The following ZNF160 variants were observed in gnomAD, a reference collection of about 807,000 sequenced individuals.
ZNF160 encodes the protein KRAB zinc finger protein KR18.
ZNF160 carries 9 observed loss-of-function variants against 13.1 expected under a neutral mutation model. The observed-to-expected ratio is 0.69, with a 90% CI of 0.41 to 1.20. ZNF160 has a LOEUF of 1.20. Ranked by LOEUF, ZNF160 falls within the 50% of genes most tolerant of loss-of-function variation. ZNF160 has a pLI of 0.01. For synonymous variants in ZNF160, 293 were observed against 333.2 expected, an observed-to-expected ratio of 0.88 and a Z score of 1.31; for missense variants, 838 against 988.0, an observed-to-expected ratio of 0.85 and a Z score of 2.04.
intron 3 of ZNF160, chr19:53,075,882 T>C (rs80054051): frequency 0.078 from 39,952 of 512,148 alleles, 1,791 homozygotes; most frequent in Middle Eastern, 0.13. Context: ...CTGGCATTAA[T>C]GTGTGTGCGC....
At chr19:53,101,444 G>A (rs2085444515) in intron 1 of ZNF160, among the ~76,000 whole-genome samples, 1 of 150,048 alleles carries the variant, frequency 6.7e-6, no homozygotes, top group Non-Finnish European at 1.5e-5. Flanking sequence ...TATTTAATAT[G>A]TATATGATAT....
At chr19:53,101,836 C>T (rs1348196164) in intron 1 of ZNF160, among the ~76,000 whole-genome samples, 1 of 152,212 alleles carries the variant, frequency 6.6e-6, no homozygotes, top group African/African-American at 2.4e-5. Flanking sequence ...GCCTTTTACA[C>T]AGAGCTTTGT....
At chr19:53,100,159 A>T (rs183100395) in intron 1 of ZNF160, among the ~76,000 whole-genome samples, 7 of 152,350 alleles carry the variant, frequency 4.6e-5, no homozygotes, top group African/African-American at 1.4e-4. Flanking sequence ...TTTCATGAAC[A>T]CATAAGCTCT....
At chr19:53,102,534 G>A (rs979071026) in intron 1 of ZNF160, among the ~76,000 whole-genome samples, 1 of 152,072 alleles carries the variant, frequency 6.6e-6, no homozygotes, top group African/African-American at 2.4e-5. Flanking sequence ...TCTACATTTC[G>A]CCAATTGCTT....
In ZNF160 at chr19:53,069,170, C is replaced by T; in HGVS notation, c.1364G>A (p.Cys455Tyr). Residue 455 changes from cysteine to tyrosine, a missense_variant, in exon 6 of 6, where the codon TGT (cysteine) becomes TAT (tyrosine). By Grantham distance (194) the Cys-to-Tyr change is radical. Around this residue, in one of 3 missense-constraint regions of ZNF160, gnomAD observed 400 missense variants for 538.9 expected, o/e 0.74. Coordinates refer to ENST00000683776, the MANE Select transcript of ZNF160 (RefSeq NM_001322131.2). The surrounding 1 kb of genome is among the most constrained non-coding windows in gnomAD (Gnocchi z 4.4). ...ACTGAAGGCTTTGCCACATTCATTA[C>T]ACTTGTAAGGTTTCTCACCAGTATG... ...RVHTGEKPYK[C>Y]NECGKAFSMH... 2.5e-6 allele frequency: 4 copies of T among 1,614,162 alleles called. No individual in the cohort carries two copies. Among genetic ancestry groups the T allele is most frequent in the Non-Finnish European group, 3.4e-6 (4 of 1,179,990 alleles).
At chr19:53,075,025 G>T (rs201517584) in intron 4 of ZNF160, 32 bp downstream of exon 4, 1 of 1,613,610 alleles carries the variant, frequency 6.2e-7, no homozygotes, top group East Asian at 2.2e-5. Context: ...GACAAGAACA[G>T]ATCTTGACTT....
chr19:53,075,662 C>T, intron 3 of ZNF160: 1 of 504,004 alleles, frequency 2.0e-6, no homozygotes, highest in Non-Finnish European at 4.0e-6. Context: ...CTCCTCACTC[C>T]TTTCCCATAT....
chr19:53,069,823 T>C lies in ZNF160; in HGVS notation c.711A>G (p.Glu237=), dbSNP rs145570443. The C allele has an allele frequency of 6.3e-5, 102 of 1,614,174 alleles. 1 individual carries two copies. The East Asian group carries it at 1.7e-3, about 27-fold the overall frequency. ...VQTHRSKKYH[E]LNHFSLLTQR... is the part of the protein sequence containing the mutation. ...GTGTGAGTAATGAAAAATGGTTAAG[T>C]TCATGATATTTTTTAGACCTGTGGG... is the stretch of plus-strand genomic sequence containing the variant. The change falls in exon 6 of 6, where the codon GAA becomes GAG. Residue 237 remains glutamate (E), a synonymous_variant. Coordinates refer to ENST00000683776, the MANE Select transcript of ZNF160 (RefSeq NM_001322131.2). This position sits in a 1 kb window ranked among gnomAD's most constrained non-coding sequence, Gnocchi z 4.4.
intron 1 of ZNF160, among the ~76,000 whole-genome samples, chr19:53,098,787 G>A (rs117964478): frequency 8.6e-5 from 13 of 151,340 alleles, no homozygotes; most frequent in Admixed American, 2.0e-4. Context: ...ACCGGGCCCC[G>A]GTGATGTGTA....
intron 4 of ZNF160, among the ~76,000 whole-genome samples, chr19:53,074,628 C>T (rs866448162): frequency 1.3e-5 from 2 of 149,072 alleles, no homozygotes; most frequent in South Asian, 4.2e-4. Context: ...CTAGATCACG[C>T]CACTGCACTC....
rs1179889933 is a variant in ZNF160 at position 53,069,815 on chromosome 19, T to C, written c.719A>G (p.His240Arg). The change falls in exon 6 of 6, where the codon CAT becomes CGT. Residue 240 changes from histidine to arginine, a missense_variant. Transcript: ENST00000683776. The surrounding 1 kb of genome is among the most constrained non-coding windows in gnomAD (Gnocchi z 4.4). Reference protein sequence around the residue: ...HRSKKYHELNHFSLLTQRRKA... With the variant: ...HRSKKYHELNRFSLLTQRRKA... ...TCGTCTTTGTGTGAGTAATGAAAAA[T>C]GGTTAAGTTCATGATATTTTTTAGA... 10 of 1,614,134 alleles carry C rather than the reference T, an allele frequency of 6.2e-6. No homozygotes were observed. The highest frequency in any genetic ancestry group is 1.1e-5 in the South Asian group (1 of 91,084).
At position 53,068,011 on chromosome 19, in the gene ZNF160, G is replaced by C. The variant is rs1202562735; in HGVS notation, c.*66C>G. ...TGGCCACTGTCACTACATTTGTAAG[G>C]ATTCTGTCAAGAATGAAATTAACTG... On this transcript the variant is annotated 3_prime_UTR_variant, in exon 6 of 6. Transcript: ENST00000683776. The C allele has an allele frequency of 3.9e-6, 6 of 1,528,722 alleles. No individual in the cohort carries two copies. The highest frequency in any genetic ancestry group is 5.3e-6 in the Non-Finnish European group (6 of 1,138,052). 94.7% of individuals were successfully genotyped at this position (1,528,722 alleles called of 1,614,324 possible).
intron 1 of ZNF160, among the ~76,000 whole-genome samples, chr19:53,092,204 A>T (rs2085060482): frequency 6.6e-6 from 1 of 152,210 alleles, no homozygotes; most frequent in Non-Finnish European, 1.5e-5. Context: ...TACTTATTTT[A>T]ATCTGTTGTA....
In ZNF160 at chr19:53,070,169, T is replaced by C. The variant is rs1279726168; in HGVS notation, c.365A>G (p.Glu122Gly). 1.2e-6 allele frequency: 2 copies of C among 1,614,148 alleles called. No homozygotes were observed. Among genetic ancestry groups the C allele is most frequent in the Admixed American group, 1.7e-5 (1 of 60,026 alleles). The part of the protein sequence containing the change: ...VFHTVVLERH[E>G]SPDIEDFSFK... ...GGAAAAGTCTTCAATGTCAGGGCTT[T>C]CGTGTCTTTCCAACACCACTGTGTG... The change falls in exon 6 of 6, where the codon GAA (glutamate) becomes GGA (glycine). Residue 122 changes from glutamate (E) to glycine (G), a missense_variant. Physicochemically the swap from Glu to Gly is moderately conservative, Grantham distance 98. This residue lies in a region of ZNF160 where 387 missense variants were observed against 402.3 expected (regional missense o/e 0.96). Coordinates refer to ENST00000683776, the MANE Select transcript of ZNF160 (RefSeq NM_001322131.2).
At chr19:53,088,366 A>C (rs2084918457) in intron 2 of ZNF160, among the ~76,000 whole-genome samples, 1 of 152,162 alleles carries the variant, frequency 6.6e-6, no homozygotes, top group African/African-American at 2.4e-5. Flanking sequence ...AACAATTCAA[A>C]GGTTTAAGCA....
At chr19:53,076,764 T>C (rs1362701780) in intron 3 of ZNF160, 1 of 152,230 alleles carries the variant, frequency 6.6e-6, no homozygotes, top group Non-Finnish European at 1.5e-5. Context: ...GTGGGAAATC[T>C]GGCAACCACA....
At chr19:53,097,438 T>TACTTCATAAAGATCCCACAATCCCCAG (rs2085280238) in intron 1 of ZNF160, among the ~76,000 whole-genome samples, 2 of 151,138 alleles carry the variant, frequency 1.3e-5, no homozygotes, top group Admixed American at 6.6e-5. Flanking sequence ...ACACTCCCCA[T>TACTTCATAAAGATCCCACAATCCCCAG]ATACTTCATA....
Position 53,068,710 on chromosome 19 carries a change from T to C in ZNF160, c.1824A>G (p.Leu608=), listed in dbSNP as rs763983048. 1 of 1,614,138 alleles carries C rather than the reference T, an allele frequency of 6.2e-7. No individual in the cohort carries two copies. The highest frequency in any genetic ancestry group is 2.2e-5 in the East Asian group (1 of 44,864). ...CAGTATGTATTGCCTGATGAAAAGT[T>C]AGGCTTGAACGATCACTAAAGGCTC... is the stretch of plus-strand genomic sequence containing the variant. ...CGRAFSDRSS[L]TFHQAIHTGE... Residue 608 remains leucine (L), a synonymous_variant, in exon 6 of 6, where the codon CTA becomes CTG. Transcript: ENST00000683776.
intron 1 of ZNF160, among the ~76,000 whole-genome samples, chr19:53,092,639 T>C (rs2085079853): frequency 6.6e-6 from 1 of 152,190 alleles, no homozygotes; most frequent in South Asian, 2.1e-4. Flanking sequence ...ATGAACCCTA[T>C]ACAAAGTAAA....
Sources: allele counts gnomAD v4.1 joint callset (sites outside exome capture counted in the v4.1 genomes callset), GRCh38; gene constraint gnomAD v4.1.1; regional missense constraint gnomAD v4.1.1; non-coding constraint Gnocchi (gnomAD v3.1); transcripts MANE v1.5; gene names NCBI Gene and HGNC (gene_info 2026-07-23, HGNC 2026-07-21).